ADGRG4: variants seen among roughly 807,000 people sequenced by gnomAD.
The protein encoded by ADGRG4 is G protein-coupled receptor 112.
A neutral mutation model predicts 126.2 loss-of-function variants in ADGRG4; 122 were observed. The observed-to-expected ratio is 0.97, with a 90% confidence interval of 0.83 to 1.12. The LOEUF (loss-of-function observed/expected upper bound fraction) is 1.12. ADGRG4 is among the 50% of genes most tolerant of loss of function. The probability of loss-of-function intolerance (pLI) is 0.00; values close to 1 mark genes in which losing one functional copy is unlikely to be tolerated. For missense variants in ADGRG4, 2,481 were observed against 2,251.8 expected (o/e 1.10, Z -2.06); for synonymous variants, 943 against 838.7 (o/e 1.12, Z -2.15).
rs757202062 is a variant in ADGRG4 at position 136,361,589 on chromosome X, T to C, written c.7277+2T>C. The C allele has an allele frequency of 2.6e-6, 3 of 1,165,377 alleles. No individual in the cohort carries two copies. The highest frequency in any genetic ancestry group is 4.1e-5 in the South Asian group (2 of 48,212). Reference sequence around the variant, plus strand: ...GGATGGAAATGCCACAAGATTCTGGTATGTACAGGCCAAGTTCTAATTGCT... The same window carrying C: ...GGATGGAAATGCCACAAGATTCTGGCATGTACAGGCCAAGTTCTAATTGCT... On this transcript the variant is annotated splice_donor_variant, in intron 12 of 25. Coordinates refer to ENST00000394143, the MANE Select transcript of ADGRG4 (RefSeq NM_153834.4). LOFTEE classifies it high-confidence loss of function.
chrX:136,366,688 C>G (rs762079479), intron 13 of ADGRG4, among the ~76,000 whole-genome samples: 5 of 112,235 alleles, frequency 4.5e-5, no homozygotes, highest in African/African-American at 1.6e-4. Flanking sequence ...ACATTCTTTC[C>G]AGCATTTAGT....
At chrX:136,393,742 G>A (rs376003204) in intron 18 of ADGRG4, among the ~76,000 whole-genome samples, 162 bp downstream of exon 18, 3 of 111,536 alleles carry the variant, frequency 2.7e-5, no homozygotes, top group Non-Finnish European at 5.6e-5. Context: ...ATTAGGGCAT[G>A]GGAATTAAGA....
chrX:136,383,735 T>G (rs1405975885), intron 15 of ADGRG4, among the ~76,000 whole-genome samples: 1 of 111,867 alleles, frequency 8.9e-6, no homozygotes, highest in Non-Finnish European at 1.9e-5. Flanking sequence ...CCTTCTTTCC[T>G]GTTGTCTCTT....
In ADGRG4 at chrX:136,347,392, G is replaced by T. The variant is rs1261084328; in HGVS notation, c.3686G>T (p.Ser1229Ile). 1 of 1,210,542 alleles carries T rather than the reference G, an allele frequency of 8.3e-7. No homozygotes were observed. The highest frequency in any genetic ancestry group is 1.1e-6 in the Non-Finnish European group (1 of 894,683). ...SANKLTTSVN[S>I]HISSSATYRV... is the part of the protein sequence containing the mutation. ...AATAAGTTGACTACTTCAGTAAACA[G>T]TCACATTTCTTCATCTGCCACATAT... The change falls in exon 6 of 26, where the codon AGT becomes ATT. Residue 1229 changes from serine to isoleucine, a missense_variant. Transcript: ENST00000394143.
At chrX:136,324,782 T>C (rs2074862110) in intron 5 of ADGRG4, among the ~76,000 whole-genome samples, 1 of 112,161 alleles carries the variant, frequency 8.9e-6, no homozygotes, top group Non-Finnish European at 1.9e-5. Context: ...AACAAGATGT[T>C]CCAGGCTCTT....
intron 15 of ADGRG4, among the ~76,000 whole-genome samples, chrX:136,382,956 A>T (rs867059456): frequency 9.0e-6 from 1 of 110,936 alleles, no homozygotes; most frequent in Non-Finnish European, 1.9e-5. Context: ...TTGCTAGTGG[A>T]TCATTAGGGG....
chrX:136,326,792 T>G (rs1374078355), intron 5 of ADGRG4, among the ~76,000 whole-genome samples: 1 of 111,427 alleles, frequency 9.0e-6, no homozygotes, highest in Non-Finnish European at 1.9e-5. Context: ...AAATTGATAT[T>G]TATGGTCCAT....
rs577992239 is a variant in ADGRG4 at position 136,343,864 on chromosome X, C to T, written c.686-528C>T. On this transcript the variant is annotated intron_variant, in intron 5 of 25. Transcript: ENST00000394143. ...TATTATAGAGGAGGAAACTGAAGCA[C>T]GGAGAGGTTAAGCAACTAGTCCAAG... Among the ~76,000 whole-genome samples, 5 of 111,606 alleles carry T rather than the reference C, an allele frequency of 4.5e-5. No homozygotes were observed. In the South Asian group the frequency reaches 1.5e-3, roughly 33 times the overall value.
In ADGRG4 at chrX:136,345,297, A is replaced by C. The variant is rs374060162; in HGVS notation, c.1591A>C (p.Asn531His). The C allele has an allele frequency of 1.4e-4, 165 of 1,208,824 alleles. No homozygotes were observed. The highest frequency in any genetic ancestry group is 1.8e-4 in the Non-Finnish European group (165 of 894,370). The change falls in exon 6 of 26, where the codon AAT becomes CAT. Residue 531 changes from asparagine to histidine, a missense_variant. Physicochemically the swap from Asn to His is moderately conservative, Grantham distance 68 (BLOSUM62 1). Transcript: ENST00000394143. ...RTAETELTST[N>H]FQDVSLPRVE... ...AGCTGAAACAGAATTGACATCTACA[A>C]ATTTTCAGGATGTCTCTTTACCCAG...
intron 15 of ADGRG4, among the ~76,000 whole-genome samples, chrX:136,376,932 C>A (rs1046447407): frequency 9.1e-6 from 1 of 110,119 alleles, no homozygotes; most frequent in Non-Finnish European, 1.9e-5. Flanking sequence ...ATTTGGATGC[C>A]CTTTATTTCT....
intron 21 of ADGRG4, among the ~76,000 whole-genome samples, chrX:136,401,289 G>A (rs2075377876): frequency 1.8e-5 from 2 of 111,641 alleles, no homozygotes; most frequent in Non-Finnish European, 3.8e-5. Flanking sequence ...ATGTGGAAGA[G>A]GCTTCATGAA....
chrX:136,404,484 A>G (rs1048468284), intron 22 of ADGRG4, among the ~76,000 whole-genome samples: 2 of 112,045 alleles, frequency 1.8e-5, no homozygotes, highest in Admixed American at 1.9e-4. Flanking sequence ...CATGGAACAA[A>G]ATCCAAACGT....
At chrX:136,310,562 C>T (rs2074762558) in intron 4 of ADGRG4, among the ~76,000 whole-genome samples, 1 of 111,471 alleles carries the variant, frequency 9.0e-6, no homozygotes, top group African/African-American at 3.3e-5. Flanking sequence ...GTTCAGTTCC[C>T]TTCAGGCTCC....
chrX:136,351,692 A>G (rs1276320171), intron 7 of ADGRG4, 151 bp downstream of exon 7: 23 of 290,998 alleles, frequency 7.9e-5, no homozygotes, highest in Non-Finnish European at 3.0e-5. Context: ...TTTGCTGCAA[A>G]TCTGTCTACT....
chrX:136,329,459 T>C (rs2074895132), intron 5 of ADGRG4, among the ~76,000 whole-genome samples: 1 of 111,931 alleles, frequency 8.9e-6, no homozygotes, highest in Non-Finnish European at 1.9e-5. Context: ...TGAATTAGTA[T>C]GGATTATCTC....
At chrX:136,368,351 C>T (rs1006321458) in intron 13 of ADGRG4, among the ~76,000 whole-genome samples, 10 of 112,242 alleles carry the variant, frequency 8.9e-5, no homozygotes, top group Admixed American at 5.7e-4. Flanking sequence ...GACTCATTCC[C>T]TCTTTGTCAA....
In ADGRG4 at chrX:136,345,559, A is replaced by C; in HGVS notation, c.1853A>C (p.His618Pro). Residue 618 changes from histidine to proline, a missense_variant, in exon 6 of 26, where the codon CAC becomes CCC. Transcript: ENST00000394143. The stretch of plus-strand genomic sequence containing the variant: ...CAGAATACACCTACAGCTGATGGAC[A>C]CTTGCTTACTTTGATGTCCACTAGA... Reference protein sequence around the residue: ...YTQNTPTADGHLLTLMSTRSA... With the variant: ...YTQNTPTADGPLLTLMSTRSA... The C allele has an allele frequency of 8.3e-7, 1 of 1,210,073 alleles. No individual in the cohort carries two copies. Among genetic ancestry groups the C allele is most frequent in the Non-Finnish European group, 1.1e-6 (1 of 894,444 alleles).
intron 15 of ADGRG4, among the ~76,000 whole-genome samples, chrX:136,383,850 CTTTCT>C (rs1223515478): frequency 1.4e-5 from 1 of 70,474 alleles, no homozygotes; most frequent in Admixed American, 1.4e-4. Flanking sequence ...TTCTTTCTTT[CTTTCT>C]TTCTTTCTTT....
Position 136,346,222 on chromosome X carries a change from T to C in ADGRG4, c.2516T>C (p.Val839Ala), listed in dbSNP as rs1287985646. Residue 839 changes from valine to alanine, a missense_variant, in exon 6 of 26, where the codon GTG (valine) becomes GCG (alanine). Transcript: ENST00000394143. ...SATTQRLNAT[V>A]TRKEATSHYL... is the part of the protein sequence containing the mutation. ...ACAACACAAAGATTAAATGCCACTGTGACAAGAAAAGAAGCAACTTCCCAT... is the reference window on the plus strand; with the variant it reads ...ACAACACAAAGATTAAATGCCACTGCGACAAGAAAAGAAGCAACTTCCCAT... 1.7e-6 allele frequency: 2 copies of C among 1,209,854 alleles called. No homozygotes were observed. Among genetic ancestry groups the C allele is most frequent in the Admixed American group, 2.2e-5 (1 of 45,806 alleles).
Sources: gnomAD v4.1 joint callset for allele counts (sites outside exome capture counted in the v4.1 genomes callset) on GRCh38, gnomAD v4.1.1 for gene constraint, MANE v1.5 for transcripts, NCBI Gene and HGNC (gene_info 2026-07-23, HGNC 2026-07-21) for gene names.